Variants in WDR70 observed in about 807,000 individuals in gnomAD.
WDR70 encodes the protein WD repeat-containing protein 70.
In WDR70, 53 loss-of-function variants were observed where a neutral mutation model predicts 88.6. That is an observed-to-expected ratio of 0.60 (90% CI 0.48 to 0.75). WDR70 has a LOEUF of 0.75. Ranked by LOEUF, WDR70 falls within the 30% of genes least tolerant of loss-of-function variation. The probability of loss-of-function intolerance (pLI) is 0.00; values close to 1 mark genes in which losing one functional copy is unlikely to be tolerated. For synonymous variants in WDR70, 280 were observed against 270.0 expected, an observed-to-expected ratio of 1.04 and a Z score of -0.36; for missense variants, 610 against 823.2, an observed-to-expected ratio of 0.74 and a Z score of 3.17.
chr5:37,391,603 C>T (rs1484890519), intron 3 of WDR70, among the ~76,000 whole-genome samples: 3 of 152,156 alleles, frequency 2.0e-5, no homozygotes, highest in Non-Finnish European at 2.9e-5. Flanking sequence ...AATCTCCTTC[C>T]TTTTTGGGTG....
Position 37,605,190 on chromosome 5 carries a change from A to G in WDR70, c.1044A>G (p.Ala348=). The G allele has an allele frequency of 6.2e-7, 1 of 1,611,898 alleles. No homozygotes were observed. The highest frequency in any genetic ancestry group is 8.5e-7 in the Non-Finnish European group (1 of 1,178,880). ...ATAGTAGAGATGGAAACCTCATAGC[A>G]GCTGCCTGCCAGAATGGAAGCATAC... ...CTYSRDGNLI[A]AACQNGSIQI... Residue 348 remains alanine (A), a synonymous_variant, in exon 10 of 18, where the codon GCA becomes GCG. Transcript: ENST00000265107.
intron 10 of WDR70, among the ~76,000 whole-genome samples, chr5:37,651,083 G>C (rs1745397619): frequency 6.6e-6 from 1 of 151,746 alleles, no homozygotes; most frequent in Admixed American, 6.6e-5. Context: ...GTCTACATTA[G>C]GTATTTCTCC....
intron 9 of WDR70, among the ~76,000 whole-genome samples, chr5:37,521,805 T>G (rs1561886111): frequency 6.6e-6 from 1 of 152,144 alleles, no homozygotes; most frequent in South Asian, 2.1e-4. Context: ...TTTTTGCAAT[T>G]GCAAATTGTG....
At chr5:37,742,263 G>GTTTTTTTTT (rs549421990) in intron 17 of WDR70, among the ~76,000 whole-genome samples, 1 of 123,678 alleles carries the variant, frequency 8.1e-6, no homozygotes, top group African/African-American at 2.9e-5. Flanking sequence ...ATTATCTGTT[G>GTTTTTTTTT]TTTTTTTTTT....
chr5:37,650,890 A>G (rs935855596), intron 10 of WDR70, among the ~76,000 whole-genome samples: 1 of 152,104 alleles, frequency 6.6e-6, no homozygotes, highest in Non-Finnish European at 1.5e-5. Context: ...CTTGTTTTTA[A>G]AATTCTGCCT....
At chr5:37,547,540 G>A (rs569941867) in intron 9 of WDR70, among the ~76,000 whole-genome samples, 1 of 151,968 alleles carries the variant, frequency 6.6e-6, no homozygotes, top group East Asian at 1.9e-4. Flanking sequence ...TATTTATGGG[G>A]TACATGAGAT....
At chr5:37,490,456 A>G (rs1275286291) in intron 8 of WDR70, among the ~76,000 whole-genome samples, 1 of 151,980 alleles carries the variant, frequency 6.6e-6, no homozygotes, top group African/African-American at 2.4e-5. Context: ...GTCTCTGGAG[A>G]GCACATGCTT....
intron 7 of WDR70, among the ~76,000 whole-genome samples, chr5:37,444,042 C>T (rs897746870): frequency 2.7e-5 from 4 of 146,060 alleles, no homozygotes; most frequent in African/African-American, 5.1e-5. Context: ...CCAGCTACTT[C>T]GGAGGCTGAG....
chr5:37,674,035 T>C (rs1415515652), intron 10 of WDR70, among the ~76,000 whole-genome samples: 3 of 151,746 alleles, frequency 2.0e-5, no homozygotes, highest in Middle Eastern at 6.8e-3. Flanking sequence ...GCATTTAGGT[T>C]GATTCCATGT....
chr5:37,589,775 G>T (rs1743473624), intron 9 of WDR70, among the ~76,000 whole-genome samples: 1 of 151,954 alleles, frequency 6.6e-6, no homozygotes, highest in African/African-American at 2.4e-5. Flanking sequence ...GCTAATTTTT[G>T]TATTTGTATA....
intron 14 of WDR70, chr5:37,722,078 G>C (rs1032182384): frequency 2.6e-5 from 4 of 152,154 alleles, no homozygotes; most frequent in African/African-American, 4.8e-5. Flanking sequence ...CTGGACTAGA[G>C]TTGGAATCCT....
At chr5:37,586,215 A>G (rs1043609416) in intron 9 of WDR70, among the ~76,000 whole-genome samples, 2 of 151,460 alleles carry the variant, frequency 1.3e-5, no homozygotes, top group Admixed American at 6.6e-5. Context: ...ATGCTTGAAC[A>G]CTCTTTGCCT....
intron 9 of WDR70, among the ~76,000 whole-genome samples, chr5:37,585,669 A>C (rs1743346177): frequency 6.6e-6 from 1 of 151,992 alleles, no homozygotes; most frequent in Non-Finnish European, 1.5e-5. Context: ...TTGATCCAGT[A>C]CCTTTGTCTG....
At chr5:37,557,894 C>A in intron 9 of WDR70, among the ~76,000 whole-genome samples, 1 of 143,078 alleles carries the variant, frequency 7.0e-6, no homozygotes, top group Non-Finnish European at 1.6e-5. Context: ...TTTTCCTCTT[C>A]AGATTTATAC....
At chr5:37,602,569 T>G (rs1743917730) in intron 9 of WDR70, among the ~76,000 whole-genome samples, 1 of 151,048 alleles carries the variant, frequency 6.6e-6, no homozygotes, top group Non-Finnish European at 1.5e-5. Flanking sequence ...GAGGCTGCAG[T>G]CAGTGGAGAT....
chr5:37,546,582 G>T (rs182953161), intron 9 of WDR70, among the ~76,000 whole-genome samples: 44 of 152,146 alleles, frequency 2.9e-4, no homozygotes, highest in African/African-American at 9.9e-4. Flanking sequence ...ATTATCATTA[G>T]TACATCTTGA....
rs149134408 is a variant in WDR70 at position 37,452,070 on chromosome 5, A to T, written c.686+8698A>T. On this transcript the variant is annotated intron_variant, in intron 7 of 17. Coordinates refer to ENST00000265107, the MANE Select transcript of WDR70 (RefSeq NM_018034.4). ...AATATTTATTTTCCCCTCCAATTTC[A>T]TTCTCTTTATTTTGTTGAATCATTG... 1.3e-4 allele frequency among the ~76,000 whole-genome samples: 20 copies of T among 152,264 alleles called. No homozygotes were observed. In the East Asian group the frequency reaches 3.3e-3, roughly 25 times the overall value.
At chr5:37,436,110 C>CAGCT (rs1750460039) in intron 5 of WDR70, among the ~76,000 whole-genome samples, 2 of 152,128 alleles carry the variant, frequency 1.3e-5, no homozygotes, top group African/African-American at 4.8e-5. Flanking sequence ...GTGCTTTGAG[C>CAGCT]AGCTGGTCAC....
At chr5:37,687,500 G>A (rs1221429876) in intron 10 of WDR70, among the ~76,000 whole-genome samples, 1 of 152,114 alleles carries the variant, frequency 6.6e-6, no homozygotes. Flanking sequence ...TTGTTTTGTA[G>A]CATATATTCA....
Sources: gnomAD v4.1 joint callset for allele counts (sites outside exome capture counted in the v4.1 genomes callset) on GRCh38, gnomAD v4.1.1 for gene constraint, MANE v1.5 for transcripts, NCBI Gene and HGNC (gene_info 2026-07-23, HGNC 2026-07-21) for gene names.